Variants in HEATR4 observed in about 807,000 individuals in gnomAD.
HEATR4 encodes HEAT repeat containing 4.
HEATR4 carries 95 observed loss-of-function variants against 108.8 expected under a neutral mutation model. The observed-to-expected ratio is 0.87, with a 90% confidence interval of 0.74 to 1.04. HEATR4 has a LOEUF of 1.04. HEATR4 is among the 50% of genes least tolerant of loss of function. The pLI, the probability that HEATR4 is intolerant of heterozygous loss-of-function variation, is 0.00. For missense variants in HEATR4, 1,152 were observed against 1,253.8 expected (o/e 0.92, Z 1.23); for synonymous variants, 443 against 459.4 (o/e 0.96, Z 0.46).
intron 17 of HEATR4, among the ~76,000 whole-genome samples, chr14:73,483,500 G>A (rs546566580): frequency 6.6e-5 from 10 of 152,178 alleles, no homozygotes; most frequent in South Asian, 6.2e-4. Context: ...CTAAAACTAC[G>A]TGTACCATCA....
intron 10 of HEATR4, among the ~76,000 whole-genome samples, chr14:73,506,223 GT>G (rs1193097523): frequency 5.3e-5 from 8 of 152,096 alleles, no homozygotes. Context: ...GTCAGTTTTT[GT>G]GCTATTTCAT....
Position 73,492,386 on chromosome 14 carries a change from G to C in HEATR4, c.2844+680C>G. 6.2e-7 allele frequency: 1 copy of C among 1,613,920 alleles called. No homozygotes were observed. Among genetic ancestry groups the C allele is most frequent in the Non-Finnish European group, 8.5e-7 (1 of 1,179,808 alleles). On this transcript the variant is annotated intron_variant, in intron 17 of 17. Coordinates refer to ENST00000553558, the MANE Select transcript of HEATR4 (RefSeq NM_001220484.1). The surrounding 1 kb of genome is among the most constrained non-coding windows in gnomAD (Gnocchi z 4.9). ...GGAGTTTCGGAGGGGTCTGCCCCGA[G>C]ACTTCATGGATTACATGGGGGCCCA... is the stretch of plus-strand genomic sequence containing the variant.
At chr14:73,619,274 G>A in the HEATR4 span, 1 of 1,605,670 alleles carries the variant, frequency 6.2e-7, no homozygotes, top group Admixed American at 1.7e-5. Context: ...TTTTCCAAAG[G>A]AGGTGACCTG....
intron 1 of HEATR4, among the ~76,000 whole-genome samples, chr14:73,540,693 T>C (rs1889047082): frequency 8.2e-6 from 1 of 121,750 alleles, no homozygotes; most frequent in Admixed American, 8.9e-5. Flanking sequence ...TTTGCGGGTA[T>C]CAGCACTGAA....
the HEATR4 span, among the ~76,000 whole-genome samples, chr14:73,568,441 T>C: frequency 4.6e-5 from 7 of 151,388 alleles, no homozygotes; most frequent in Non-Finnish European, 1.0e-4. Context: ...CGGTAGTCCT[T>C]TGAGGTATTT....
In HEATR4 at chr14:73,522,274, G is replaced by A. The variant is rs753413414; in HGVS notation, c.879C>T (p.Tyr293=). The change falls in exon 3 of 18, where the codon TAC becomes TAT. Residue 293 remains tyrosine (Y), a splice_region_variant and synonymous_variant. Transcript: ENST00000553558. ...KKPELLLPVY[Y]RLPSYFQQAE... ...ACTTGAGGCCCTGGCCAGTATACCT[G>A]TAGTAAACGGGAAGCAGCAGTTCTG... The A allele has an allele frequency of 2.5e-6, 4 of 1,613,644 alleles. No individual in the cohort carries two copies. Among genetic ancestry groups the A allele is most frequent in the South Asian group, 2.2e-5 (2 of 91,036 alleles).
the HEATR4 span, chr14:73,611,060 TC>T: frequency 6.6e-6 from 1 of 152,240 alleles, no homozygotes; most frequent in East Asian, 1.9e-4. Context: ...TAAATCCAGT[TC>T]ATGTAAATTG....
the HEATR4 span, chr14:73,617,268 A>G: frequency 6.4e-7 from 1 of 1,562,862 alleles, no homozygotes; most frequent in Non-Finnish European, 8.8e-7. Flanking sequence ...AAGCCCTGCC[A>G]GAACACTGAG....
chr14:73,626,280 G>A, the HEATR4 span, among the ~76,000 whole-genome samples: 3 of 146,754 alleles, frequency 2.0e-5, no homozygotes, highest in African/African-American at 7.3e-5. Context: ...TAAGAAAATC[G>A]CAAAAAAAAT....
At chr14:73,632,870 A>G in the HEATR4 span, among the ~76,000 whole-genome samples, 1 of 151,436 alleles carries the variant, frequency 6.6e-6, no homozygotes, top group Admixed American at 6.6e-5. Context: ...GAAGAAGAAG[A>G]AATGTAATAT....
At chr14:73,519,429 A>C (rs527858640) in intron 4 of HEATR4, among the ~76,000 whole-genome samples, 6 of 151,906 alleles carry the variant, frequency 3.9e-5, no homozygotes, top group Admixed American at 3.3e-4. Flanking sequence ...CCTGGGAGCC[A>C]AGGATGGTGA....
At chr14:73,598,646 C>G in the HEATR4 span, among the ~76,000 whole-genome samples, 1 of 152,108 alleles carries the variant, frequency 6.6e-6, no homozygotes, top group African/African-American at 2.4e-5. Context: ...GCAGGCAGAT[C>G]ACCTGAGGTC....
Position 73,502,909 on chromosome 14 carries a change from C to T in HEATR4, c.2091G>A (p.Val697=). 1.2e-6 allele frequency: 2 copies of T among 1,612,740 alleles called. No homozygotes were observed. Among genetic ancestry groups the T allele is most frequent in the Non-Finnish European group, 1.7e-6 (2 of 1,178,880 alleles). ...CTGGGTCTTACCTGATTATGTCGTG[C>T]ACCTCTTTCCCGAGGCTCATTTGCC... ...ALGQMSLGKE[V]HDIIRVKLGQ... Residue 697 remains valine (V), a synonymous_variant, in exon 11 of 18, where the codon GTG becomes GTA. Coordinates refer to ENST00000553558, the MANE Select transcript of HEATR4 (RefSeq NM_001220484.1).
chr14:73,592,004 G>T, the HEATR4 span: 13 of 1,429,380 alleles, frequency 9.1e-6, no homozygotes, highest in Non-Finnish European at 1.2e-5. Flanking sequence ...GCTGCTGCTG[G>T]AACGAGCCGG....
the HEATR4 span, among the ~76,000 whole-genome samples, chr14:73,567,216 C>T: frequency 2.6e-5 from 4 of 152,168 alleles, no homozygotes; most frequent in South Asian, 2.1e-4. Flanking sequence ...GGATTACAGG[C>T]GTGAGCCATC....
rs938579340 is a variant in HEATR4, at chr14:73,495,149, C to G, written c.2785+79G>C. ...CTCTTTCATCCTCTAAGGCTTGCTA[C>G]TAAGTCCCAAAACATCCAGATCCTG... On this transcript the variant is annotated intron_variant, in intron 16 of 17. Coordinates refer to ENST00000553558, the MANE Select transcript of HEATR4 (RefSeq NM_001220484.1). 3.8e-6 allele frequency: 5 copies of G among 1,322,416 alleles called. No homozygotes were observed. In the African/African-American group the frequency reaches 5.9e-5, roughly 16 times the overall value. The allele number at this position is 1,322,416 out of a possible 1,614,324, so 81.9% of individuals were successfully genotyped here.
the HEATR4 span, among the ~76,000 whole-genome samples, chr14:73,589,570 C>T: frequency 4.6e-5 from 7 of 152,180 alleles, no homozygotes; most frequent in Admixed American, 1.3e-4. Flanking sequence ...CCGCCCAACT[C>T]GGCCTCCCAC....
intron 2 of HEATR4, chr14:73,527,329 C>T (rs1163748678): frequency 6.6e-6 from 1 of 151,458 alleles, no homozygotes; most frequent in Non-Finnish European, 1.5e-5. Context: ...GTGACCAATC[C>T]AGGAGTGACA....
the HEATR4 span, among the ~76,000 whole-genome samples, chr14:73,568,420 A>C: frequency 6.6e-6 from 1 of 151,738 alleles, no homozygotes; most frequent in Non-Finnish European, 1.5e-5. Flanking sequence ...AGCGCGATGC[A>C]TGGGGAGCTC....
Sources: allele counts gnomAD v4.1 joint callset (sites outside exome capture counted in the v4.1 genomes callset), GRCh38; gene constraint gnomAD v4.1.1; non-coding constraint Gnocchi (gnomAD v3.1); transcripts MANE v1.5; gene names NCBI Gene and HGNC (gene_info 2026-07-23, HGNC 2026-07-21).